PEAK1: variants seen among roughly 807,000 people sequenced by gnomAD.
PEAK1 encodes the protein pseudopodium enriched atypical kinase 1, also known as inactive tyrosine-protein kinase PEAK1.
In PEAK1, 54 loss-of-function variants were observed where a neutral mutation model predicts 124.7. The observed-to-expected ratio is 0.43, with a 90% CI of 0.35 to 0.54. PEAK1 has a LOEUF of 0.54. PEAK1 is among the 20% of genes least tolerant of loss of function. PEAK1 has a pLI of 0.01. For synonymous variants in PEAK1, 719 were observed against 760.0 expected (o/e 0.95, Z 0.89); for missense variants, 2,046 against 2,134.5 (o/e 0.96, Z 0.82).
chr15:77,291,743 C>A (rs1261848473), intron 2 of PEAK1, among the ~76,000 whole-genome samples: 1 of 151,912 alleles, frequency 6.6e-6, no homozygotes, highest in Non-Finnish European at 1.5e-5. Flanking sequence ...TTTGGGAGGC[C>A]GAGGCAAGTG....
intron 1 of PEAK1, among the ~76,000 whole-genome samples, chr15:77,383,013 T>C (rs1440540322): frequency 1.3e-5 from 2 of 151,200 alleles, no homozygotes; most frequent in East Asian, 3.9e-4. Context: ...AATCAGTTTG[T>C]ATCTCCTTTT....
In PEAK1 at chr15:77,178,855, T is replaced by G. The variant is rs1335445809; in HGVS notation, c.3072A>C (p.Leu1024Phe). The G allele has an allele frequency of 2.5e-6, 4 of 1,614,042 alleles. No homozygotes were observed. The African/African-American group carries it at 4.0e-5, about 16-fold the overall frequency. The change falls in exon 7 of 10, where the codon TTA (leucine) becomes TTC (phenylalanine). Residue 1024 changes from leucine (L) to phenylalanine (F), a missense_variant. Leu to Phe is a conservative substitution (Grantham distance 22, BLOSUM62 0). Coordinates refer to ENST00000682557, the MANE Select transcript of PEAK1 (RefSeq NM_001385026.1). ...VMEKGRAENA[L>F]LQDSEKKRSH... ...TCCTCTTCTTCTCTGAGTCCTGTAGTAATGCATTCTCTGCTCTACCCTTCT... is the reference window on the plus strand; with the variant it reads ...TCCTCTTCTTCTCTGAGTCCTGTAGGAATGCATTCTCTGCTCTACCCTTCT...
At chr15:77,183,729 AT>A (rs2057398622) in intron 6 of PEAK1, among the ~76,000 whole-genome samples, 1 of 152,228 alleles carries the variant, frequency 6.6e-6, no homozygotes, top group Non-Finnish European at 1.5e-5. Context: ...AGGACTTTGT[AT>A]TTGGAATATA....
chr15:77,399,596 G>C (rs1400367913), intron 1 of PEAK1, among the ~76,000 whole-genome samples: 1 of 152,082 alleles, frequency 6.6e-6, no homozygotes, highest in Non-Finnish European at 1.5e-5. Context: ...GTGCTGGGGA[G>C]ACTGGCTATC....
At chr15:77,189,170 C>T (rs893312413) in intron 6 of PEAK1, among the ~76,000 whole-genome samples, 2 of 152,100 alleles carry the variant, frequency 1.3e-5, no homozygotes, top group Admixed American at 6.5e-5. Context: ...CACTGCACTC[C>T]AGCCTAGGCA....
intron 1 of PEAK1, among the ~76,000 whole-genome samples, chr15:77,365,937 A>G (rs1287965679): frequency 1.3e-5 from 2 of 152,180 alleles, no homozygotes; most frequent in Non-Finnish European, 2.9e-5. Flanking sequence ...TCAATAGCAC[A>G]TGTTTATAAA....
rs556310187 is a variant in PEAK1 at position 77,178,555 on chromosome 15, C to T, written c.3137+235G>A. 8 of 514,314 alleles carry T rather than the reference C, an allele frequency of 1.6e-5. No homozygotes were observed. In the South Asian group the frequency reaches 3.1e-4, roughly 20 times the overall value. The allele number at this position is 514,314 out of a possible 1,614,324, so 31.9% of individuals were successfully genotyped here. ...CTATGCTAAAGTTCCTCTGCATTCA[C>T]CAGAATGCAGTAGGCTACTTAAGCC... On this transcript the variant is annotated intron_variant, in intron 7 of 9. Transcript: ENST00000682557.
In PEAK1 at chr15:77,114,450, G is replaced by C; in HGVS notation, c.4947C>G (p.Asn1649Lys). Residue 1649 changes from asparagine (N) to lysine (K), a missense_variant, in exon 10 of 10, where the codon AAC becomes AAG. Transcript: ENST00000682557. ...QQLASCLLNP[N>K]PSERILISDA... ...CTGAAATGAGGATCCGCTCAGAAGG[G>C]TTGGGATTCAGGAGGCAGCTGGCCA... 6.2e-7 allele frequency: 1 copy of C among 1,614,132 alleles called. No homozygotes were observed. Among genetic ancestry groups the C allele is most frequent in the South Asian group, 1.1e-5 (1 of 91,078 alleles).
intron 2 of PEAK1, among the ~76,000 whole-genome samples, chr15:77,309,967 A>G (rs2064337442): frequency 6.6e-6 from 1 of 152,188 alleles, no homozygotes; most frequent in Non-Finnish European, 1.5e-5. Context: ...AGAACATGGT[A>G]GCTGTCTTCT....
intron 5 of PEAK1, among the ~76,000 whole-genome samples, chr15:77,254,345 A>G (rs2152928616): frequency 6.6e-6 from 1 of 152,218 alleles, no homozygotes; most frequent in East Asian, 1.9e-4. Flanking sequence ...TTCACAGGTC[A>G]TTCAGGATAT....
At chr15:77,127,793 G>A (rs2052510094) in intron 9 of PEAK1, among the ~76,000 whole-genome samples, 1 of 152,112 alleles carries the variant, frequency 6.6e-6, no homozygotes, top group African/African-American at 2.4e-5. Context: ...CTGTGAAAAC[G>A]GTGAGGCCAG....
chr15:77,411,081 T>C (rs2072370774), intron 1 of PEAK1, among the ~76,000 whole-genome samples: 1 of 152,152 alleles, frequency 6.6e-6, no homozygotes, highest in African/African-American at 2.4e-5. Context: ...AAAATTGTTA[T>C]TTTGGGTTTG....
intron 2 of PEAK1, among the ~76,000 whole-genome samples, chr15:77,303,118 A>G (rs1307274243): frequency 6.6e-6 from 1 of 152,174 alleles, no homozygotes; most frequent in Non-Finnish European, 1.5e-5. Flanking sequence ...GTACTGATTA[A>G]TATTTCGCTA....
In PEAK1 at chr15:77,336,252, G is replaced by T. The variant is rs75987188; in HGVS notation, c.-603+28911C>A. Reference sequence around the variant, plus strand: ...TTCCAAGAACCACAATGGGCACAAAGAATCTAATCATTTACATCTTGCAGA... The same window carrying T: ...TTCCAAGAACCACAATGGGCACAAATAATCTAATCATTTACATCTTGCAGA... On this transcript the variant is annotated intron_variant, in intron 2 of 9. Transcript: ENST00000682557. The T allele has an allele frequency of 1.0e-3, 981 of 985,374 alleles. 9 individuals are homozygous for T. The African/African-American group carries it at 0.015, about 16-fold the overall frequency. The allele number at this position is 985,374 out of a possible 1,614,324, so 61.0% of individuals were successfully genotyped here. A position where few individuals can be genotyped will look rare whatever the true frequency, so the allele number is the denominator to read the frequency against.
intron 8 of PEAK1, among the ~76,000 whole-genome samples, chr15:77,139,435 A>T (rs897857515): frequency 6.6e-6 from 1 of 152,226 alleles, no homozygotes; most frequent in Non-Finnish European, 1.5e-5. Context: ...TGTATGTGCT[A>T]TACTTTTATG....
intron 2 of PEAK1, among the ~76,000 whole-genome samples, chr15:77,287,784 A>G (rs986348364): frequency 1.3e-5 from 2 of 152,202 alleles, no homozygotes; most frequent in South Asian, 2.1e-4. Context: ...CGAGCTGTTC[A>G]TCTTTTCCTA....
chr15:77,237,290 T>C lies in PEAK1; in HGVS notation c.-115+15077A>G, dbSNP rs149539848. On this transcript the variant is annotated intron_variant, in intron 6 of 9. Coordinates refer to ENST00000682557, the MANE Select transcript of PEAK1 (RefSeq NM_001385026.1). ...TAAATTTCTCTAATATTCTAAGAAA[T>C]GCATTAAAAACTGTAAATTTCTTCT... 1.7e-4 allele frequency among the ~76,000 whole-genome samples: 26 copies of C among 152,260 alleles called. No homozygotes were observed. In the East Asian group the frequency reaches 4.6e-3, roughly 27 times the overall value.
At chr15:77,321,573 T>C (rs1470542561) in intron 2 of PEAK1, among the ~76,000 whole-genome samples, 2 of 152,272 alleles carry the variant, frequency 1.3e-5, no homozygotes, top group Admixed American at 6.5e-5. Flanking sequence ...GTCAGATGAG[T>C]AGATTGCAAA....
In PEAK1 at chr15:77,109,898, G is replaced by C. The variant is rs1206817516; in HGVS notation, c.*4258C>G. On this transcript the variant is annotated 3_prime_UTR_variant, in exon 10 of 10. Transcript: ENST00000682557. ...CTAGAATCATTTGAAATATAGTGTA[G>C]TATCCTAAATCCATCTCTATTTCTG... 1 of 152,194 alleles carries C rather than the reference G, an allele frequency of 6.6e-6. No homozygotes were observed. The highest frequency in any genetic ancestry group is 1.9e-4 in the East Asian group (1 of 5,202). The allele number at this position is 152,194 out of a possible 1,614,324, so 9.4% of individuals were successfully genotyped here.
Sources: gnomAD v4.1 joint callset for allele counts (sites outside exome capture counted in the v4.1 genomes callset) on GRCh38, gnomAD v4.1.1 for gene constraint, MANE v1.5 for transcripts, NCBI Gene and HGNC (gene_info 2026-07-23, HGNC 2026-07-21) for gene names.